INTS2: variants seen among roughly 807,000 people sequenced by gnomAD.
INTS2 encodes KIAA1287.
A neutral mutation model predicts 139.6 loss-of-function variants in INTS2; 57 were observed. The observed-to-expected ratio is 0.41, with a 90% CI of 0.33 to 0.51. The LOEUF (loss-of-function observed/expected upper bound fraction) is 0.51. Among genes scored for constraint, INTS2 ranks in the 20% least tolerant of loss-of-function variants. The pLI, the probability that INTS2 is intolerant of heterozygous loss-of-function variation, is 0.28. For synonymous variants in INTS2, 473 were observed against 493.4 expected (o/e 0.96, Z 0.55); for missense variants, 1,196 against 1,436.7 (o/e 0.83, Z 2.71).
chr17:61,882,546 TG>T lies in INTS2; in HGVS notation c.2090-1376del, dbSNP rs2079186972. Among the ~76,000 whole-genome samples the T allele has an allele frequency of 6.6e-6, 1 of 152,108 alleles. No homozygotes were observed. The highest frequency in any genetic ancestry group is 2.4e-5 in the African/African-American group (1 of 41,418). The stretch of plus-strand genomic sequence containing the variant: ...GAGTTGGAGACCAGCCTGGCCAACA[TG>T]GGGAAATCCTGTCTCTACTAAAAAT... On this transcript the variant is annotated intron_variant, in intron 16 of 24. Transcript: ENST00000251334. This position sits in a 1 kb window ranked among gnomAD's most constrained non-coding sequence, Gnocchi z 4.7.
Position 61,874,944 on chromosome 17 carries a change from T to C in INTS2, c.2551A>G (p.Ile851Val), listed in dbSNP as rs1291528633. The change falls in exon 19 of 25, where the codon ATT (isoleucine) becomes GTT (valine). Residue 851 changes from isoleucine to valine, a missense_variant. By Grantham distance (29) the Ile-to-Val change is conservative. Coordinates refer to ENST00000251334, the MANE Select transcript of INTS2 (RefSeq NM_001351695.2). ...TQNDLMIDPL[I>V]VLRCDQRVHR... ...ACCCTCTGATCACACCTTAGGACAA[T>C]GAGAGGATCTATCATCAGGTCATTC... The C allele has an allele frequency of 6.3e-7, 1 of 1,598,232 alleles. No individual in the cohort carries two copies. The highest frequency in any genetic ancestry group is 1.1e-5 in the South Asian group (1 of 88,272).
At chr17:61,915,843 A>AT (rs2079577699) in intron 5 of INTS2, among the ~76,000 whole-genome samples, 1 of 142,992 alleles carries the variant, frequency 7.0e-6, no homozygotes, top group Non-Finnish European at 1.6e-5. Flanking sequence ...AAAAAAAATC[A>AT]TATAAGACAC....
Position 61,926,409 on chromosome 17 carries a change from A to C in INTS2, c.236T>G (p.Leu79Trp). 1 of 1,613,390 alleles carries C rather than the reference A, an allele frequency of 6.2e-7. No individual in the cohort carries two copies. The highest frequency in any genetic ancestry group is 8.5e-7 in the Non-Finnish European group (1 of 1,179,368). Residue 79 changes from leucine to tryptophan, a missense_variant, in exon 2 of 25, where the codon TTG (leucine) becomes TGG (tryptophan). This residue lies in a region of INTS2 where 31 missense variants were observed against 64.8 expected (regional missense o/e 0.48). Coordinates refer to ENST00000251334, the MANE Select transcript of INTS2 (RefSeq NM_001351695.2). The stretch of plus-strand genomic sequence containing the variant: ...TAAAGCATGAAAGTCCACGGACAAC[A>C]ATGCAACAATGGAGTTGACAGCTTC... ...GVEAVNSIVA[L>W]LSVDFHALEQ...
chr17:61,890,815 G>A (rs1273030286), intron 14 of INTS2, among the ~76,000 whole-genome samples: 1 of 150,796 alleles, frequency 6.6e-6, no homozygotes, highest in African/African-American at 2.4e-5. Context: ...TGTAATCCCA[G>A]CACTTTGGGA....
At chr17:61,910,007 T>A (rs2079510389) in intron 7 of INTS2, 1 of 152,200 alleles carries the variant, frequency 6.6e-6, no homozygotes, top group Admixed American at 6.6e-5. Context: ...GCAGTAGGAT[T>A]GCTGGACAGA....
At chr17:61,874,314 T>C (rs2079110989) in intron 19 of INTS2, 1 of 152,254 alleles carries the variant, frequency 6.6e-6, no homozygotes, top group Non-Finnish European at 1.5e-5. Flanking sequence ...ATCTATCTTA[T>C]GTCCCATGCA....
Position 61,882,831 on chromosome 17 carries a change from C to T in INTS2, c.2090-1660G>A, listed in dbSNP as rs1398274930. On this transcript the variant is annotated intron_variant, in intron 16 of 24. Coordinates refer to ENST00000251334, the MANE Select transcript of INTS2 (RefSeq NM_001351695.2). The surrounding 1 kb of genome is among the most constrained non-coding windows in gnomAD (Gnocchi z 4.7). ...CATAAGTACCTAATAAATATTGTTG[C>T]TACCATACTATTATCATCATAACAG... is the stretch of plus-strand genomic sequence containing the variant. 7.2e-5 allele frequency among the ~76,000 whole-genome samples: 11 copies of T among 152,192 alleles called. No homozygotes were observed. Among genetic ancestry groups the T allele is most frequent in the Non-Finnish European group, 4.4e-5 (3 of 68,042 alleles).
In INTS2 at chr17:61,925,072, C is replaced by G; in HGVS notation, c.321G>C (p.Glu107Asp). 1 of 1,613,698 alleles carries G rather than the reference C, an allele frequency of 6.2e-7. No individual in the cohort carries two copies. The highest frequency in any genetic ancestry group is 1.3e-5 in the African/African-American group (1 of 75,050). Residue 107 changes from glutamate (E) to aspartate (D), a missense_variant, in exon 3 of 25, where the codon GAG (glutamate) becomes GAC (aspartate). This residue lies in a region of INTS2 where 1,129 missense variants were observed against 1,341.9 expected (regional missense o/e 0.84). Coordinates refer to ENST00000251334, the MANE Select transcript of INTS2 (RefSeq NM_001351695.2). ...GCTGAAGCTGTGATACCAGGATGCTCTCTCCACTGCCTCCTCCAAGTTTAT... is the reference window on the plus strand; with the variant it reads ...GCTGAAGCTGTGATACCAGGATGCTGTCTCCACTGCCTCCTCCAAGTTTAT... ...LRHKLGGGSG[E>D]SILVSQLQHG...
In INTS2 at chr17:61,867,853, T is replaced by C. The variant is rs1156674300; in HGVS notation, c.3401A>G (p.Asp1134Gly). The change falls in exon 24 of 25, where the codon GAC (aspartate) becomes GGC (glycine). Residue 1134 changes from aspartate to glycine, a missense_variant. Transcript: ENST00000251334. The surrounding 1 kb of genome is among the most constrained non-coding windows in gnomAD (Gnocchi z 5.6). ...CASDVATQTR[D>G]IDPIITRLQQ... ...CTTACGTGTAATAATTGGATCAATG[T>C]CTCTTGTCTGAGTGGCAACATCAGA... The C allele has an allele frequency of 3.1e-6, 5 of 1,597,900 alleles. No homozygotes were observed. Among genetic ancestry groups the C allele is most frequent in the South Asian group, 2.3e-5 (2 of 87,420 alleles).
At chr17:61,915,801 G>A (rs117271841) in intron 5 of INTS2, among the ~76,000 whole-genome samples, 1,262 of 119,900 alleles carry the variant, frequency 0.011, 15 homozygotes, top group Non-Finnish European at 0.012. Flanking sequence ...CTGGGCGACA[G>A]AGCAAGACTC....
rs1312744135 is a variant in INTS2 at position 61,876,831 on chromosome 17, G to C, written c.2456+1056C>G. ...AATAATGAAGCTTGGGGATGAATTA[G>C]TTATTGGTTATTGATACCAATTTAA... On this transcript the variant is annotated intron_variant, in intron 18 of 24. Coordinates refer to ENST00000251334, the MANE Select transcript of INTS2 (RefSeq NM_001351695.2). This position sits in a 1 kb window ranked among gnomAD's most constrained non-coding sequence, Gnocchi z 4.1. 6.6e-6 allele frequency among the ~76,000 whole-genome samples: 1 copy of C among 152,128 alleles called. No individual in the cohort carries two copies. Among genetic ancestry groups the C allele is most frequent in the African/African-American group, 2.4e-5 (1 of 41,418 alleles).
chr17:61,885,056 A>T, intron 15 of INTS2, 51 bp from the exon 16 acceptor site: 1 of 1,258,200 alleles, frequency 7.9e-7, no homozygotes, highest in Non-Finnish European at 1.1e-6. Context: ...AAACAACAGA[A>T]ATCTTAACCT....
intron 13 of INTS2, among the ~76,000 whole-genome samples, 185 bp from the exon 14 acceptor site, chr17:61,891,874 A>G (rs533095950): frequency 2.0e-5 from 3 of 150,466 alleles, no homozygotes; most frequent in South Asian, 2.1e-4. Flanking sequence ...AACTACCATT[A>G]TATCTGTATC....
At position 61,876,233 on chromosome 17, in the gene INTS2, T is replaced by A. The variant is rs1346705037; in HGVS notation, c.2457-1195A>T. On this transcript the variant is annotated intron_variant, in intron 18 of 24. Coordinates refer to ENST00000251334, the MANE Select transcript of INTS2 (RefSeq NM_001351695.2). This position sits in a 1 kb window ranked among gnomAD's most constrained non-coding sequence, Gnocchi z 4.1. ...TAGAATTCCACACTTAGGCTAAATA[T>A]CAGTCACATATGAGAATAATTCAGC... Among the ~76,000 whole-genome samples, 1 of 152,142 alleles carries A rather than the reference T, an allele frequency of 6.6e-6. No homozygotes were observed. Among genetic ancestry groups the A allele is most frequent in the Admixed American group, 6.6e-5 (1 of 15,258 alleles).
At chr17:61,874,829 T>C in intron 19 of INTS2, 84 bp downstream of exon 19, 1 of 1,146,152 alleles carries the variant, frequency 8.7e-7, no homozygotes, top group Non-Finnish European at 1.1e-6. Context: ...AATTAAAATA[T>C]AAGTTTAAAC....
chr17:61,882,223 A>T lies in INTS2; in HGVS notation c.2090-1052T>A, dbSNP rs1305360899. Among the ~76,000 whole-genome samples the T allele has an allele frequency of 2.0e-5, 3 of 152,220 alleles. No homozygotes were observed. In the South Asian group the frequency reaches 6.2e-4, roughly 32 times the overall value. ...GAACAAACAATGCTGAAAGACATTTATTAACATTAACAACCCTAAAGTCAC... is the reference window on the plus strand; with the variant it reads ...GAACAAACAATGCTGAAAGACATTTTTTAACATTAACAACCCTAAAGTCAC... On this transcript the variant is annotated intron_variant, in intron 16 of 24. Coordinates refer to ENST00000251334, the MANE Select transcript of INTS2 (RefSeq NM_001351695.2). This position sits in a 1 kb window ranked among gnomAD's most constrained non-coding sequence, Gnocchi z 4.7.
intron 2 of INTS2, 109 bp from the exon 3 acceptor site, chr17:61,925,208 T>C (rs2079697109): frequency 9.6e-7 from 1 of 1,040,048 alleles, no homozygotes; most frequent in Non-Finnish European, 1.4e-6. Flanking sequence ...TAAAGTGTTC[T>C]AAAATGTTCT....
chr17:61,918,501 C>T (rs2079605551), intron 5 of INTS2, among the ~76,000 whole-genome samples: 1 of 152,078 alleles, frequency 6.6e-6, no homozygotes, highest in Admixed American at 6.6e-5. Flanking sequence ...CTCGGCCTCC[C>T]CAAGTGCTGG....
In INTS2 at chr17:61,872,110, A is replaced by C. The variant is rs1325175648; in HGVS notation, c.2778+155T>G. The C allele has an allele frequency of 2.2e-6, 1 of 461,644 alleles. No homozygotes were observed. The highest frequency in any genetic ancestry group is 3.0e-5 in the East Asian group (1 of 33,050). The allele number at this position is 461,644 out of a possible 1,614,324, so 28.6% of individuals were successfully genotyped here. On this transcript the variant is annotated intron_variant, in intron 20 of 24. Transcript: ENST00000251334. The surrounding 1 kb of genome is among the most constrained non-coding windows in gnomAD (Gnocchi z 4.8). The stretch of plus-strand genomic sequence containing the variant: ...TACAACATATCTGATACTCAGAAGC[A>C]AAGGTAACATCATTGTAATAGATTC...
Sources: gnomAD v4.1 joint callset for allele counts (sites outside exome capture counted in the v4.1 genomes callset) on GRCh38, gnomAD v4.1.1 for gene constraint, gnomAD v4.1.1 regional missense constraint, Gnocchi (gnomAD v3.1) non-coding constraint, MANE v1.5 for transcripts, NCBI Gene and HGNC (gene_info 2026-07-23, HGNC 2026-07-21) for gene names.